Variants in MROH2A observed in about 807,000 individuals in gnomAD.
MROH2A encodes maestro heat-like repeat-containing protein family member 2A.
Under a neutral mutation model 200.4 loss-of-function variants are expected in MROH2A, and 174 were observed. The ratio of observed to expected loss-of-function variants is 0.87; its 90% confidence interval spans 0.77 to 0.98. The LOEUF is 0.98. Among genes scored for constraint, MROH2A ranks in the 50% least tolerant of loss-of-function variants. The probability of loss-of-function intolerance (pLI) is 0.00; values close to 1 mark genes in which losing one functional copy is unlikely to be tolerated. For missense variants in MROH2A, 2,045 were observed against 2,139.6 expected (o/e 0.96, Z 0.87); for synonymous variants, 829 against 840.4 (o/e 0.99, Z 0.23).
chr2:233,794,520 C>T lies in MROH2A; in HGVS notation c.966+14C>T. On this transcript the variant is annotated intron_variant, in intron 8 of 41. Coordinates refer to ENST00000389758, the MANE Select transcript of MROH2A (RefSeq NM_001394639.1). The stretch of plus-strand genomic sequence containing the variant: ...TTCGTCACGCAGGCGAGTGGCCAGG[C>T]AGCCACGGCTCTGGGCAGGAGGCTT... 1.4e-6 allele frequency: 2 copies of T among 1,397,878 alleles called. No individual in the cohort carries two copies. The highest frequency in any genetic ancestry group is 1.2e-5 in the South Asian group (1 of 81,088). The allele number at this position is 1,397,878 out of a possible 1,614,324, so 86.6% of individuals were successfully genotyped here.
Position 233,792,874 on chromosome 2 carries a change from T to C in MROH2A, c.650T>C (p.Ile217Thr). The change falls in exon 6 of 42, where the codon ATA becomes ACA. Residue 217 changes from isoleucine to threonine, a missense_variant. Coordinates refer to ENST00000389758, the MANE Select transcript of MROH2A (RefSeq NM_001394639.1). ...TMLRLANEAK[I>T]RQAICSAMET... The stretch of plus-strand genomic sequence containing the variant: ...CTGAGACTTGCCAATGAAGCCAAGA[T>C]ACGCCAGGCGATCTGCAGTGGTGAG... The C allele has an allele frequency of 1.9e-6, 3 of 1,550,562 alleles. No homozygotes were observed. Among genetic ancestry groups the C allele is most frequent in the Non-Finnish European group, 2.6e-6 (3 of 1,146,990 alleles).
intron 38 of MROH2A, 43 bp downstream of exon 38, chr2:233,829,818 T>C (rs961332365): frequency 7.8e-7 from 1 of 1,289,804 alleles, no homozygotes; most frequent in Non-Finnish European, 9.9e-7. Flanking sequence ...TGGGGCCCGC[T>C]GTTCCCCGAG....
In MROH2A at chr2:233,811,863, C is replaced by T; in HGVS notation, c.2572-17C>T. The T allele has an allele frequency of 6.5e-7, 1 of 1,545,654 alleles. No homozygotes were observed. Among genetic ancestry groups the T allele is most frequent in the Non-Finnish European group, 8.8e-7 (1 of 1,142,668 alleles). On this transcript the variant is annotated splice_polypyrimidine_tract_variant and intron_variant, in intron 23 of 41. Coordinates refer to ENST00000389758, the MANE Select transcript of MROH2A (RefSeq NM_001394639.1). ...CATGGTCACCAAAAGCCACCACCCC[C>T]TGCTTGTGTTGGACAGGCGGTCATC...
intron 31 of MROH2A, among the ~76,000 whole-genome samples, chr2:233,821,015 G>A (rs1559477725): frequency 6.6e-6 from 1 of 152,170 alleles, no homozygotes; most frequent in Non-Finnish European, 1.5e-5. Flanking sequence ...CGTACTTGGT[G>A]GCCACGTCAC....
chr2:233,794,651 G>T, intron 8 of MROH2A, 145 bp downstream of exon 8: 1 of 598,250 alleles, frequency 1.7e-6, no homozygotes, highest in East Asian at 2.8e-5. Context: ...CCCTGCGAGG[G>T]AGGGGCGTGG....
rs554192113 is a variant in MROH2A, at chr2:233,804,260, C to T, written c.1891+68C>T. On this transcript the variant is annotated intron_variant, in intron 17 of 41. Coordinates refer to ENST00000389758, the MANE Select transcript of MROH2A (RefSeq NM_001394639.1). ...CGTGTATGTGCTGGGGTTCTAATCA[C>T]ATGACTTGAATAACGAGAGCTGAGG... is the stretch of plus-strand genomic sequence containing the variant. 1,141 of 1,529,402 alleles carry T rather than the reference C, an allele frequency of 7.5e-4. 6 individuals are homozygous for T. Among genetic ancestry groups the T allele is most frequent in the Non-Finnish European group, 5.1e-4 (583 of 1,132,638 alleles). The allele number at this position is 1,529,402 out of a possible 1,614,324, so 94.7% of individuals were successfully genotyped here.
In MROH2A at chr2:233,828,539, C is replaced by A; in HGVS notation, c.4114-91C>A. The A allele has an allele frequency of 4.8e-6, 7 of 1,462,932 alleles. No individual in the cohort carries two copies. The highest frequency in any genetic ancestry group is 6.4e-6 in the Non-Finnish European group (7 of 1,090,814). The allele number at this position is 1,462,932 out of a possible 1,614,324, so 90.6% of individuals were successfully genotyped here. On this transcript the variant is annotated intron_variant, in intron 35 of 41. Coordinates refer to ENST00000389758, the MANE Select transcript of MROH2A (RefSeq NM_001394639.1). The surrounding 1 kb of genome is among the most constrained non-coding windows in gnomAD (Gnocchi z 4.6). ...CCCTCCCCTCCTGTCCACAGAGCCA[C>A]CAATCTGCATTACCTCTCCTCCCAC...
rs571048469 is a variant in MROH2A at position 233,822,427 on chromosome 2, T to G, written c.3737T>G (p.Leu1246Arg). The G allele has an allele frequency of 1.3e-6, 2 of 1,547,798 alleles. No individual in the cohort carries two copies. Among genetic ancestry groups the G allele is most frequent in the Admixed American group, 3.9e-5 (2 of 50,768 alleles). Residue 1246 changes from leucine (L) to arginine (R), a missense_variant, in exon 33 of 42, where the codon CTC becomes CGC. This residue lies in a region of MROH2A where 1,201 missense variants were observed against 1,311.3 expected (regional missense o/e 0.92). Transcript: ENST00000389758. ...GAGAATGACAAGCTCCCGGACTTCC[T>G]CCCTGACCTCATCTACACCCTCCTG... is the stretch of plus-strand genomic sequence containing the variant. ...LDENDKLPDF[L>R]PDLIYTLLLQ...
rs17864710 is a variant in MROH2A at position 233,783,741 on chromosome 2, T to C, written c.276+3889T>C. On this transcript the variant is annotated intron_variant, in intron 3 of 41. Coordinates refer to ENST00000389758, the MANE Select transcript of MROH2A (RefSeq NM_001394639.1). ...TTGTATTTTTGGTAGAGACGGGCCA[T>C]GTTGGCCAGGCTGGTCTCAAACTCC... 1.8e-3 allele frequency among the ~76,000 whole-genome samples: 268 copies of C among 152,240 alleles called. 1 individual carries two copies. The highest frequency in any genetic ancestry group is 0.016 in the South Asian group (78 of 4,822).
In MROH2A at chr2:233,803,489, G is replaced by A. The variant is rs1458434451; in HGVS notation, c.1749+1G>A. On this transcript the variant is annotated splice_donor_variant, in intron 16 of 41. Transcript: ENST00000389758. LOFTEE classifies it high-confidence loss of function. ...TCAGAAGCTGCTGGCCCGTCTCCTG[G>A]TGAGTGGCTGACCTGCACCATGCCC... The A allele has an allele frequency of 1.3e-6, 2 of 1,550,418 alleles. No homozygotes were observed.
intron 41 of MROH2A, among the ~76,000 whole-genome samples, chr2:233,832,879 T>C (rs1704879596): frequency 6.6e-6 from 1 of 152,218 alleles, no homozygotes; most frequent in African/African-American, 2.4e-5. Context: ...TAGCTTCTTA[T>C]GAAATGCTTT....
rs1196034993 is a variant in MROH2A at position 233,831,440 on chromosome 2, A to G, written c.4634A>G (p.His1545Arg). 1.3e-6 allele frequency: 2 copies of G among 1,550,248 alleles called. No homozygotes were observed. The highest frequency in any genetic ancestry group is 2.0e-5 in the Admixed American group (1 of 50,936). Residue 1545 changes from histidine to arginine, a missense_variant, in exon 39 of 42, where the codon CAC becomes CGC. Around this residue, in one of 3 missense-constraint regions of MROH2A, gnomAD observed 1,201 missense variants for 1,311.3 expected, o/e 0.92. Transcript: ENST00000389758. The stretch of plus-strand genomic sequence containing the variant: ...ATGGCTACCATGTTTCAGTGTGTGC[A>G]CTTCTGGGGCTGGAAGTCCCTGGAG... ...ACMATMFQCV[H>R]FWGWKSLEHP...
chr2:233,783,982 G>A (rs1278135395), intron 3 of MROH2A, among the ~76,000 whole-genome samples: 1 of 150,338 alleles, frequency 6.7e-6, no homozygotes, highest in African/African-American at 2.5e-5. Context: ...AATTTTGTTT[G>A]TTTTTTCAAA....
At chr2:233,802,534 ACTC>A in intron 15 of MROH2A, 1 of 500,512 alleles carries the variant, frequency 2.0e-6, no homozygotes, top group Non-Finnish European at 3.5e-6. Context: ...TGGATAGCTC[ACTC>A]CTCATGTCCT....
intron 34 of MROH2A, 136 bp from the exon 35 acceptor site, chr2:233,823,420 C>A: frequency 3.7e-6 from 4 of 1,092,706 alleles, no homozygotes; most frequent in Non-Finnish European, 5.1e-6. Context: ...GGGAGAAACC[C>A]AGAGATGTTA....
At chr2:233,778,820 T>A (rs1331386821) in intron 1 of MROH2A, among the ~76,000 whole-genome samples, 1 of 152,202 alleles carries the variant, frequency 6.6e-6, no homozygotes, top group African/African-American at 2.4e-5. Context: ...TATCATAAAC[T>A]CAGTGGCTTA....
chr2:233,790,037 C>G, intron 5 of MROH2A, 23 bp downstream of exon 5: 1 of 1,527,534 alleles, frequency 6.5e-7, no homozygotes, highest in South Asian at 1.2e-5. Flanking sequence ...GGGCCCTCAG[C>G]CGGGCCCAGT....
Position 233,820,086 on chromosome 2 carries a change from C to T in MROH2A, c.3512+30C>T. 2 of 1,483,712 alleles carry T rather than the reference C, an allele frequency of 1.3e-6. No homozygotes were observed. Among genetic ancestry groups the T allele is most frequent in the South Asian group, 1.3e-5 (1 of 74,870 alleles). The allele number at this position is 1,483,712 out of a possible 1,614,324, so 91.9% of individuals were successfully genotyped here. ...GTGCCCTGGAGGAGGTGGCCCCGGC[C>T]TCCTGTGCCATTTGACCATGCCCAA... On this transcript the variant is annotated intron_variant, in intron 31 of 41. Coordinates refer to ENST00000389758, the MANE Select transcript of MROH2A (RefSeq NM_001394639.1). This position sits in a 1 kb window ranked among gnomAD's most constrained non-coding sequence, Gnocchi z 4.1.
intron 26 of MROH2A, among the ~76,000 whole-genome samples, 189 bp downstream of exon 26, chr2:233,814,866 T>C (rs187522717): frequency 1.3e-5 from 2 of 152,366 alleles, no homozygotes; most frequent in Admixed American, 1.3e-4. Context: ...AGATTCACAG[T>C]TCTTAATACT....
Sources: allele counts gnomAD v4.1 joint callset (sites outside exome capture counted in the v4.1 genomes callset), GRCh38; gene constraint gnomAD v4.1.1; regional missense constraint gnomAD v4.1.1; non-coding constraint Gnocchi (gnomAD v3.1); transcripts MANE v1.5; gene names NCBI Gene and HGNC (gene_info 2026-07-23, HGNC 2026-07-21).